The following ST7 variants were observed in gnomAD, a reference collection of about 807,000 sequenced individuals.
The protein encoded by ST7 is suppressor of tumorigenicity 7 protein.
Under a neutral mutation model 78.7 loss-of-function variants are expected in ST7, and 28 were observed. The observed-to-expected ratio is 0.36, with a 90% CI of 0.26 to 0.49. ST7 has a LOEUF of 0.49. Among genes scored for constraint, ST7 ranks in the 20% least tolerant of loss-of-function variants. The pLI is 0.99. For missense variants in ST7, 418 were observed against 696.0 expected (o/e 0.60, Z 4.49); for synonymous variants, 247 against 249.6 (o/e 0.99, Z 0.10).
intron 1 of ST7, among the ~76,000 whole-genome samples, chr7:117,081,419 C>T (rs1480482284): frequency 6.6e-6 from 1 of 152,032 alleles, no homozygotes; most frequent in African/African-American, 2.4e-5. Flanking sequence ...GGATGCCTCC[C>T]CACAATTTAT....
At chr7:117,204,668 A>G (rs1443808001) in intron 12 of ST7, among the ~76,000 whole-genome samples, 1 of 152,230 alleles carries the variant, frequency 6.6e-6, no homozygotes, top group Admixed American at 6.5e-5. Flanking sequence ...AAATAGCACT[A>G]GCTTTATTCT....
intron 9 of ST7, among the ~76,000 whole-genome samples, chr7:117,143,798 G>A (rs957981763): frequency 2.6e-5 from 4 of 152,124 alleles, no homozygotes; most frequent in Admixed American, 2.0e-4. Flanking sequence ...GAGTAATAAC[G>A]ACTCATTGTT....
chr7:117,061,666 G>A (rs1379565620), intron 1 of ST7, among the ~76,000 whole-genome samples: 2 of 152,090 alleles, frequency 1.3e-5, no homozygotes, highest in African/African-American at 2.4e-5. Flanking sequence ...TTAAAGGAAG[G>A]TCTGAATCCA....
At chr7:117,141,441 G>A (rs998900407) in intron 9 of ST7, among the ~76,000 whole-genome samples, 5 of 152,168 alleles carry the variant, frequency 3.3e-5, no homozygotes, top group Admixed American at 1.3e-4. Flanking sequence ...AAATATTGAT[G>A]AGGTAAACAC....
At chr7:117,037,758 G>C (rs1200894113) in intron 1 of ST7, among the ~76,000 whole-genome samples, 1 of 152,114 alleles carries the variant, frequency 6.6e-6, no homozygotes, top group Non-Finnish European at 1.5e-5. Context: ...TTCTGGATAG[G>C]ATTAAATCCA....
intron 1 of ST7, among the ~76,000 whole-genome samples, chr7:116,993,290 A>C (rs1475765947): frequency 6.6e-6 from 1 of 152,220 alleles, no homozygotes; most frequent in Non-Finnish European, 1.5e-5. Flanking sequence ...TTGGACTTAC[A>C]ATTCCACATG....
intron 1 of ST7, among the ~76,000 whole-genome samples, chr7:117,041,296 A>G (rs1416638773): frequency 6.6e-6 from 1 of 152,172 alleles, no homozygotes; most frequent in East Asian, 1.9e-4. Flanking sequence ...ATTCATTGCA[A>G]ATTCTGCTAT....
intron 1 of ST7, among the ~76,000 whole-genome samples, chr7:117,098,361 G>A (rs1801283194): frequency 2.0e-5 from 3 of 151,892 alleles, no homozygotes; most frequent in South Asian, 4.1e-4. Flanking sequence ...ACTTTGGTTT[G>A]GTTAACTTTT....
At chr7:117,218,994 G>A in intron 13 of ST7, 90 bp from the exon 14 acceptor site, 2 of 977,514 alleles carry the variant, frequency 2.0e-6, no homozygotes, top group South Asian at 1.5e-5. Context: ...AGTGTTCCCT[G>A]TTATAAAAAT....
At chr7:117,163,117 T>G (rs1305213383) in intron 9 of ST7, among the ~76,000 whole-genome samples, 2 of 152,200 alleles carry the variant, frequency 1.3e-5, no homozygotes, top group East Asian at 1.9e-4. Context: ...TTTATTCTTT[T>G]TTATGGCTGG....
intron 1 of ST7, among the ~76,000 whole-genome samples, chr7:117,033,017 T>G (rs1204243541): frequency 6.6e-6 from 1 of 152,210 alleles, no homozygotes; most frequent in Non-Finnish European, 1.5e-5. Context: ...GCATCTTATC[T>G]GTTAGCTTCA....
At chr7:116,968,427 C>G (rs1157130048) in intron 1 of ST7, 1 of 450,368 alleles carries the variant, frequency 2.2e-6, no homozygotes, top group Non-Finnish European at 4.5e-6. Context: ...GTGCTGGACT[C>G]GAATTCCTGG....
At chr7:116,984,143 GTCTA>G (rs1451554619) in intron 1 of ST7, among the ~76,000 whole-genome samples, 5 of 151,536 alleles carry the variant, frequency 3.3e-5, no homozygotes, top group African/African-American at 1.2e-4. Context: ...GTGTGTGTGT[GTCTA>G]TCTGTCTGAG....
At chr7:117,026,436 A>G (rs553528331) in intron 1 of ST7, among the ~76,000 whole-genome samples, 1 of 152,254 alleles carries the variant, frequency 6.6e-6, no homozygotes, top group Non-Finnish European at 1.5e-5. Flanking sequence ...AAGAAAATGC[A>G]CAAATGCTAT....
At chr7:117,167,144 A>G (rs1239589293) in intron 9 of ST7, among the ~76,000 whole-genome samples, 5 of 151,482 alleles carry the variant, frequency 3.3e-5, no homozygotes, top group African/African-American at 9.7e-5. Flanking sequence ...ATACGTATAC[A>G]TGTGCCATGC....
chr7:117,024,467 T>TAA (rs1796092742), intron 1 of ST7, among the ~76,000 whole-genome samples: 1 of 152,236 alleles, frequency 6.6e-6, no homozygotes, highest in African/African-American at 2.4e-5. Flanking sequence ...AATTGTGCCC[T>TAA]GGTCTAACAC....
intron 1 of ST7, among the ~76,000 whole-genome samples, chr7:117,056,983 TAGCTCTG>T (rs1798095961): frequency 6.6e-6 from 1 of 152,188 alleles, no homozygotes; most frequent in South Asian, 2.1e-4. Flanking sequence ...TGAAGGGTCC[TAGCTCTG>T]ATCCTGCCCA....
chr7:117,094,758 GTC>G (rs1563076390), intron 1 of ST7, among the ~76,000 whole-genome samples: 2 of 152,028 alleles, frequency 1.3e-5, no homozygotes, highest in Non-Finnish European at 2.9e-5. Flanking sequence ...CCTATTCCTG[GTC>G]TCTTTCCTAG....
chr7:117,018,362 C>T (rs1795716282), intron 1 of ST7, among the ~76,000 whole-genome samples: 1 of 152,176 alleles, frequency 6.6e-6, no homozygotes, highest in Non-Finnish European at 1.5e-5. Flanking sequence ...TACATTTCAA[C>T]ATCATTATTG....
Sources: allele counts gnomAD v4.1 joint callset (sites outside exome capture counted in the v4.1 genomes callset), GRCh38; gene constraint gnomAD v4.1.1; transcripts MANE v1.5; gene names NCBI Gene and HGNC (gene_info 2026-07-23, HGNC 2026-07-21).